AOPEP: variants seen among roughly 807,000 people sequenced by gnomAD.
The protein encoded by AOPEP is aminopeptidase O (putative).
Under a neutral mutation model 98.1 loss-of-function variants are expected in AOPEP, and 77 were observed. That is an observed-to-expected ratio of 0.78 (90% confidence interval 0.65 to 0.95). The LOEUF (loss-of-function observed/expected upper bound fraction) is 0.95. AOPEP is among the 40% of genes least tolerant of loss of function. The pLI is 0.00. For synonymous variants in AOPEP, 346 were observed against 365.3 expected (o/e 0.95, Z 0.60); for missense variants, 1,024 against 1,024.7 (o/e 1.00, Z 0.01).
intron 3 of AOPEP, among the ~76,000 whole-genome samples, chr9:94,780,699 A>C (rs147896388): frequency 6.6e-6 from 1 of 152,354 alleles, no homozygotes; most frequent in African/African-American, 2.4e-5. Flanking sequence ...TTCCTTTCTA[A>C]GTCATGTTTT....
chr9:94,804,407 C>T (rs1373309637), intron 5 of AOPEP, among the ~76,000 whole-genome samples: 1 of 152,120 alleles, frequency 6.6e-6, no homozygotes, highest in Non-Finnish European at 1.5e-5. Flanking sequence ...TCTCTTGCAA[C>T]TTATTTCAGA....
intron 9 of AOPEP, among the ~76,000 whole-genome samples, chr9:94,960,805 G>A (rs979670558): frequency 3.9e-5 from 6 of 152,120 alleles, no homozygotes; most frequent in South Asian, 2.1e-4. Flanking sequence ...GAGGTCAGGA[G>A]ATCGAGACCA....
At chr9:95,121,273 C>T in the AOPEP span, among the ~76,000 whole-genome samples, 1 of 152,124 alleles carries the variant, frequency 6.6e-6, no homozygotes, top group Admixed American at 6.6e-5. Context: ...CAATTTCTGC[C>T]TACTGTCTGA....
intron 13 of AOPEP, among the ~76,000 whole-genome samples, chr9:95,058,181 T>A (rs1203072662): frequency 6.6e-6 from 1 of 152,212 alleles, no homozygotes; most frequent in East Asian, 1.9e-4. Context: ...TATAGGTAAT[T>A]GTTTGATTTT....
the AOPEP span, among the ~76,000 whole-genome samples, chr9:95,094,266 G>A: frequency 6.6e-6 from 1 of 152,240 alleles, no homozygotes; most frequent in Non-Finnish European, 1.5e-5. Context: ...GGGGTCAGGA[G>A]AACTGGGTGT....
At chr9:95,059,858 A>C (rs527962854) in intron 13 of AOPEP, among the ~76,000 whole-genome samples, 11 of 152,258 alleles carry the variant, frequency 7.2e-5, no homozygotes, top group African/African-American at 2.6e-4. Context: ...GCATATCTCA[A>C]ATTGATTCTT....
chr9:95,061,451 G>T (rs1156462367), intron 14 of AOPEP, among the ~76,000 whole-genome samples: 1 of 152,220 alleles, frequency 6.6e-6, no homozygotes, highest in Admixed American at 6.5e-5. Flanking sequence ...AATGCAGAAA[G>T]TAAGTTTGGT....
At chr9:94,787,423 G>C (rs1844674624) in intron 3 of AOPEP, among the ~76,000 whole-genome samples, 1 of 152,202 alleles carries the variant, frequency 6.6e-6, no homozygotes, top group Admixed American at 6.5e-5. Context: ...TTTTCTCTTG[G>C]AAGTAAGTTT....
At chr9:95,147,377 G>A in the AOPEP span, among the ~76,000 whole-genome samples, 29,606 of 152,082 alleles carry the variant, frequency 0.19, 3,019 homozygotes, top group Middle Eastern at 0.3. Context: ...TTAGCTGGGC[G>A]TGATGGTGCA....
chr9:94,947,855 C>A (rs1589040308), intron 7 of AOPEP, among the ~76,000 whole-genome samples: 1 of 152,118 alleles, frequency 6.6e-6, no homozygotes, highest in African/African-American at 2.4e-5. Flanking sequence ...CGCATCTGAC[C>A]CCAGAGCCCA....
At chr9:94,794,392 T>G (rs1846450387) in intron 4 of AOPEP, among the ~76,000 whole-genome samples, 1 of 152,188 alleles carries the variant, frequency 6.6e-6, no homozygotes, top group South Asian at 2.1e-4. Context: ...AGATGATTAG[T>G]TACTCCTTGA....
chr9:94,899,442 A>G (rs2050100328), intron 5 of AOPEP, among the ~76,000 whole-genome samples: 2 of 149,196 alleles, frequency 1.3e-5, no homozygotes, highest in South Asian at 2.1e-4. Context: ...TGCAACTGTT[A>G]GCTTATTAAT....
intron 14 of AOPEP, among the ~76,000 whole-genome samples, chr9:95,064,722 G>T (rs2067694815): frequency 6.6e-6 from 1 of 152,212 alleles, no homozygotes; most frequent in Non-Finnish European, 1.5e-5. Flanking sequence ...TTTATTTGCA[G>T]TCCAAAGGTG....
chr9:94,875,122 A>G (rs1216839168), intron 5 of AOPEP, among the ~76,000 whole-genome samples: 2 of 151,838 alleles, frequency 1.3e-5, no homozygotes, highest in Admixed American at 6.6e-5. Flanking sequence ...TATCTTTCCA[A>G]TTTTCTTTGA....
At chr9:94,870,227 T>C (rs1458937323) in intron 5 of AOPEP, among the ~76,000 whole-genome samples, 1 of 152,072 alleles carries the variant, frequency 6.6e-6, no homozygotes, top group Non-Finnish European at 1.5e-5. Flanking sequence ...TGACCTCAGG[T>C]GATCTGCCCG....
intron 9 of AOPEP, among the ~76,000 whole-genome samples, chr9:94,961,569 C>T (rs772899954): frequency 1.3e-5 from 2 of 152,144 alleles, no homozygotes; most frequent in Non-Finnish European, 2.9e-5. Context: ...TTTTCCTTGA[C>T]GTTTCTATTA....
intron 5 of AOPEP, among the ~76,000 whole-genome samples, chr9:94,882,716 C>T (rs893873616): frequency 3.9e-5 from 6 of 152,256 alleles, no homozygotes; most frequent in African/African-American, 1.4e-4. Context: ...GCGGAAGTTG[C>T]AGTGAGCCAA....
At position 94,967,763 on chromosome 9, in the gene AOPEP, C is replaced by T. The variant is rs2059298660; in HGVS notation, c.1878C>T (p.Phe626=). 1 of 1,612,998 alleles carries T rather than the reference C, an allele frequency of 6.2e-7. No homozygotes were observed. The highest frequency in any genetic ancestry group is 1.3e-5 in the African/African-American group (1 of 74,856). The change falls in exon 10 of 17, where the codon TTC becomes TTT. Residue 626 remains phenylalanine (F), a synonymous_variant. Coordinates refer to ENST00000375315, the MANE Select transcript of AOPEP (RefSeq NM_001193329.3). The stretch of plus-strand genomic sequence containing the variant: ...TTTGCTTTTTTTAATCCCAGGATTT[C>T]CTTCAAATGCTACTGGAGAACATTC... ...FHGQLILSQD[F]LQMLLENIPE...
intron 5 of AOPEP, among the ~76,000 whole-genome samples, chr9:94,814,021 CTA>C (rs1851195423): frequency 6.6e-6 from 1 of 152,212 alleles, no homozygotes; most frequent in African/African-American, 2.4e-5. Flanking sequence ...GTTTCTATCT[CTA>C]TGGGTTTCTG....
Sources: gnomAD v4.1 joint callset for allele counts (sites outside exome capture counted in the v4.1 genomes callset) on GRCh38, gnomAD v4.1.1 for gene constraint, MANE v1.5 for transcripts, NCBI Gene and HGNC (gene_info 2026-07-23, HGNC 2026-07-21) for gene names.